Variants in MECOM observed in about 807,000 individuals in gnomAD.
MECOM encodes the protein MDS1 and EVI1 complex locus, also known as histone-lysine N-methyltransferase MECOM.
In MECOM, 13 loss-of-function variants were observed where a neutral mutation model predicts 116.3. The observed-to-expected ratio is 0.11, with a 90% CI of 0.07 to 0.18. The LOEUF (loss-of-function observed/expected upper bound fraction) is 0.18, where lower values mean the gene tolerates loss of function less well. Ranked by LOEUF, MECOM falls within the 10% of genes least tolerant of loss-of-function variation. MECOM has a pLI of 1.00. For synonymous variants in MECOM, 528 were observed against 535.2 expected (o/e 0.99, Z 0.19); for missense variants, 1,299 against 1,509.0 (o/e 0.86, Z 2.31).
rs1560196907 is a variant in MECOM at position 169,378,459 on chromosome 3, AAGCAAGCAAGC to A, written c.375+2717_375+2727del. The stretch of plus-strand genomic sequence containing the variant: ...AAAGAAAGAAAGAAAGAAGGAAAGC[AAGCAAGCAAGC>A]AAGCAAGAAAGAGAGAGAGAAAGAA... On this transcript the variant is annotated intron_variant, in intron 2 of 16. Coordinates refer to ENST00000651503, the MANE Select transcript of MECOM (RefSeq NM_004991.4). Among the ~76,000 whole-genome samples, 571 of 60,140 alleles carry A rather than the reference AAGCAAGCAAGC, an allele frequency of 9.5e-3. 46 individuals are homozygous for A. Among genetic ancestry groups the A allele is most frequent in the African/African-American group, 0.021 (209 of 10,066 alleles). 39.5% of individuals were successfully genotyped at this position (60,140 alleles called of 152,430 possible). A position where few individuals can be genotyped will look rare whatever the true frequency, so the allele number is the denominator to read the frequency against.
Position 169,584,564 on chromosome 3 carries a change from C to CA in MECOM, c.37+78771dup, listed in dbSNP as rs11323716. On this transcript the variant is annotated intron_variant, in intron 1 of 16. Transcript: ENST00000651503. Reference sequence around the variant, plus strand: ...TGGGCGAAAGAGCGAAACTCCACCTCAAAAAAAAAAAAAAAAAAATTACAG... The same window carrying CA: ...TGGGCGAAAGAGCGAAACTCCACCTCAAAAAAAAAAAAAAAAAAAATTACAG... Among the ~76,000 whole-genome samples, 534 of 108,346 alleles carry CA rather than the reference C, an allele frequency of 4.9e-3. 3 individuals carry two copies. The highest frequency in any genetic ancestry group is 0.011 in the African/African-American group (325 of 28,908). The allele number at this position is 108,346 out of a possible 152,430, so 71.1% of individuals were successfully genotyped here.
intron 1 of MECOM, among the ~76,000 whole-genome samples, chr3:169,498,106 G>C (rs1358716961): frequency 6.6e-6 from 1 of 152,106 alleles, no homozygotes; most frequent in African/African-American, 2.4e-5. Context: ...AAGGAGCTTT[G>C]AAGTACAAGA....
At chr3:169,287,166 T>C (rs1216669332) in intron 2 of MECOM, among the ~76,000 whole-genome samples, 6 of 152,140 alleles carry the variant, frequency 3.9e-5, no homozygotes, top group African/African-American at 9.7e-5. Context: ...CAAGTCACCA[T>C]TTCACTGTTG....
intron 2 of MECOM, among the ~76,000 whole-genome samples, chr3:169,314,109 G>A (rs146091806): frequency 8.1e-4 from 123 of 152,302 alleles, no homozygotes; most frequent in Non-Finnish European, 1.6e-3. Context: ...CACTTTGCTA[G>A]AACATCCAGA....
In MECOM at chr3:169,142,643, C is replaced by T. The variant is rs9817251; in HGVS notation, c.510+1055G>A. Among the ~76,000 whole-genome samples, 574 of 151,818 alleles carry T rather than the reference C, an allele frequency of 3.8e-3. 5 individuals are homozygous for T. Among genetic ancestry groups the T allele is most frequent in the African/African-American group, 0.013 (536 of 41,456 alleles). ...ATTTTTAAATGATTTCCATTTAAAC[C>T]TAATTTTACAATTTACTACCTCTTA... On this transcript the variant is annotated intron_variant, in intron 3 of 16. Transcript: ENST00000651503.
intron 1 of MECOM, chr3:169,472,976 A>G (rs1749798832): frequency 1.0e-6 from 1 of 983,770 alleles, no homozygotes; most frequent in South Asian, 4.7e-5. Context: ...ATCAATATGT[A>G]GACACCACCC....
At chr3:169,391,074 A>G (rs887517955) in intron 1 of MECOM, among the ~76,000 whole-genome samples, 2 of 152,184 alleles carry the variant, frequency 1.3e-5, no homozygotes, top group Admixed American at 1.3e-4. Context: ...CAGGAGTCTT[A>G]CATAAAGAAA....
At chr3:169,644,892 C>A (rs186020162) in intron 1 of MECOM, among the ~76,000 whole-genome samples, 6 of 152,224 alleles carry the variant, frequency 3.9e-5, no homozygotes, top group Non-Finnish European at 7.4e-5. Flanking sequence ...AAGTTATACA[C>A]CTGCACACAT....
intron 1 of MECOM, among the ~76,000 whole-genome samples, chr3:169,571,073 A>T (rs1763833918): frequency 6.6e-6 from 1 of 152,240 alleles, no homozygotes; most frequent in Non-Finnish European, 1.5e-5. Context: ...AGATGACAGA[A>T]TTGTATATTT....
intron 1 of MECOM, among the ~76,000 whole-genome samples, chr3:169,404,126 A>G (rs943369030): frequency 2.0e-5 from 3 of 152,210 alleles, no homozygotes; most frequent in African/African-American, 7.2e-5. Flanking sequence ...ATGCTTTTCT[A>G]TAGAACTAGA....
At chr3:169,516,225 T>C (rs368807573) in intron 1 of MECOM, among the ~76,000 whole-genome samples, 25 of 152,230 alleles carry the variant, frequency 1.6e-4, no homozygotes, top group African/African-American at 5.8e-4. Flanking sequence ...CTATGGATTG[T>C]TGTTTAGGAG....
chr3:169,535,317 T>C (rs1428497229), intron 1 of MECOM, among the ~76,000 whole-genome samples: 3 of 152,170 alleles, frequency 2.0e-5, no homozygotes, highest in Non-Finnish European at 4.4e-5. Context: ...CCAAGAGTCC[T>C]ATTCATTCTA....
At chr3:169,469,035 G>C (rs1748759423) in intron 1 of MECOM, among the ~76,000 whole-genome samples, 1 of 152,148 alleles carries the variant, frequency 6.6e-6, no homozygotes, top group Non-Finnish European at 1.5e-5. Context: ...ACATTGCCTA[G>C]AAAAATTAAT....
intron 2 of MECOM, among the ~76,000 whole-genome samples, chr3:169,240,582 C>T (rs961091312): frequency 1.3e-5 from 2 of 152,122 alleles, no homozygotes; most frequent in African/African-American, 4.8e-5. Context: ...CAAACATCTT[C>T]CATCTGAAAT....
intron 13 of MECOM, among the ~76,000 whole-genome samples, chr3:169,093,587 T>G (rs1279781009): frequency 6.6e-6 from 1 of 152,188 alleles, no homozygotes; most frequent in African/African-American, 2.4e-5. Flanking sequence ...GCATCCTGGT[T>G]TGCTGGGCGA....
intron 2 of MECOM, among the ~76,000 whole-genome samples, chr3:169,312,116 T>A (rs774671145): frequency 6.6e-6 from 1 of 152,136 alleles, no homozygotes; most frequent in Admixed American, 6.5e-5. Context: ...AACTAACTTA[T>A]GTTTTTAATC....
Position 169,555,403 on chromosome 3 carries a change from G to T in MECOM, c.37+107933C>A, listed in dbSNP as rs915215156. Among the ~76,000 whole-genome samples, 35 of 152,132 alleles carry T rather than the reference G, an allele frequency of 2.3e-4. 1 individual carries two copies. On this transcript the variant is annotated intron_variant, in intron 1 of 16. Transcript: ENST00000651503. ...TGGCAAGGAAGGCAGAGAAGGAAATGGCCAGCCCCCCGCCAATGGAGAATA... is the reference window on the plus strand; with the variant it reads ...TGGCAAGGAAGGCAGAGAAGGAAATTGCCAGCCCCCCGCCAATGGAGAATA...
At chr3:169,336,047 A>G (rs1723543434) in intron 2 of MECOM, among the ~76,000 whole-genome samples, 1 of 152,166 alleles carries the variant, frequency 6.6e-6, no homozygotes, top group Non-Finnish European at 1.5e-5. Context: ...GTTAGATATC[A>G]AAATGGCTTT....
intron 2 of MECOM, among the ~76,000 whole-genome samples, chr3:169,193,335 G>GA (rs1427704865): frequency 1.3e-5 from 2 of 151,744 alleles, no homozygotes; most frequent in East Asian, 3.9e-4. Flanking sequence ...TCATAAGAAG[G>GA]AAAAAAATAG....
Sources: gnomAD v4.1 joint callset for allele counts (sites outside exome capture counted in the v4.1 genomes callset) on GRCh38, gnomAD v4.1.1 for gene constraint, MANE v1.5 for transcripts, NCBI Gene and HGNC (gene_info 2026-07-23, HGNC 2026-07-21) for gene names.